Variants in DIMT1 observed in about 807,000 individuals in gnomAD.
DIMT1 encodes the protein dimethyladenosine transferase.
DIMT1 carries 36 observed loss-of-function variants against 43.2 expected under a neutral mutation model. The ratio of observed to expected loss-of-function variants is 0.83; its 90% CI spans 0.64 to 1.10. DIMT1 has a LOEUF of 1.10. DIMT1 is among the 50% of genes least tolerant of loss of function. The probability of loss-of-function intolerance (pLI) is 0.00; values close to 1 mark genes in which losing one functional copy is unlikely to be tolerated. For synonymous variants in DIMT1, 126 were observed against 130.3 expected, an observed-to-expected ratio of 0.97 and a Z score of 0.22; for missense variants, 341 against 385.3, an observed-to-expected ratio of 0.88 and a Z score of 0.96.
intron 3 of DIMT1, among the ~76,000 whole-genome samples, chr5:62,399,295 C>T (rs1027057819): frequency 6.6e-5 from 10 of 151,738 alleles, no homozygotes; most frequent in East Asian, 1.9e-4. Flanking sequence ...GGCGAAACCC[C>T]GTCTCTACTA....
Position 62,393,982 on chromosome 5 carries a change from C to G in DIMT1, c.636G>C (p.Lys212Asn), listed in dbSNP as rs778365795. 1 of 1,609,826 alleles carries G rather than the reference C, an allele frequency of 6.2e-7. No individual in the cohort carries two copies. The highest frequency in any genetic ancestry group is 1.3e-5 in the African/African-American group (1 of 74,640). The stretch of plus-strand genomic sequence containing the variant: ...GAAAATTGATGGGTGGTGGTGGATT[C>G]TTAGGTTCTATCCTTACAACACTGG... Reference protein sequence around the residue: ...VESSVVRIEPKNPPPPINFQE... With the variant: ...VESSVVRIEPNNPPPPINFQE... The change falls in exon 8 of 12, where the codon AAG (lysine) becomes AAC (asparagine). Residue 212 changes from lysine to asparagine, a missense_variant. Lys to Asn is a moderately conservative substitution (Grantham distance 94). Transcript: ENST00000199320.
chr5:62,394,413 T>C (rs1742409267), intron 7 of DIMT1, 71 bp downstream of exon 7: 2 of 1,520,110 alleles, frequency 1.3e-6, no homozygotes, highest in Admixed American at 1.7e-5. Context: ...AGTGAGCCAC[T>C]GCACTGCAGC....
In DIMT1 at chr5:62,398,507, A is replaced by C. The variant is rs373188637; in HGVS notation, c.446+4T>G. Reference sequence around the variant, plus strand: ...GGCAGTAACTCTAGTCTTTTGTCACAAACCTGAAAAAAGGTCGATGTAGCA... The same window carrying C: ...GGCAGTAACTCTAGTCTTTTGTCACCAACCTGAAAAAAGGTCGATGTAGCA... On this transcript the variant is annotated splice_donor_region_variant and intron_variant, in intron 6 of 11. Coordinates refer to ENST00000199320, the MANE Select transcript of DIMT1 (RefSeq NM_014473.4). 7.3e-5 allele frequency: 117 copies of C among 1,611,690 alleles called. No individual in the cohort carries two copies. The highest frequency in any genetic ancestry group is 9.2e-5 in the Non-Finnish European group (108 of 1,177,974).
chr5:62,403,280 A>G lies in DIMT1; in HGVS notation c.146T>C (p.Ile49Thr). 6.2e-7 allele frequency: 1 copy of G among 1,613,716 alleles called. No individual in the cohort carries two copies. Among genetic ancestry groups the G allele is most frequent in the Non-Finnish European group, 8.5e-7 (1 of 1,179,646 alleles). Residue 49 changes from isoleucine to threonine, a missense_variant, in exon 2 of 12, where the codon ATC becomes ACC. Transcript: ENST00000199320. ...LKNPLIINSI[I>T]DKAALRPTDV... is the part of the protein sequence containing the mutation. ...TTCCTCTTCCACACCCACCTTATCGATAATGCTGTTAATAATGAGAGGATT... is the reference window on the plus strand; with the variant it reads ...TTCCTCTTCCACACCCACCTTATCGGTAATGCTGTTAATAATGAGAGGATT...
chr5:62,394,848 G>A (rs1481794222), intron 6 of DIMT1, among the ~76,000 whole-genome samples: 1 of 152,074 alleles, frequency 6.6e-6, no homozygotes, highest in Admixed American at 6.6e-5. Flanking sequence ...GACTGGATGA[G>A]ATGTTTCAAA....
intron 10 of DIMT1, chr5:62,391,698 T>G: frequency 7.8e-7 from 1 of 1,285,174 alleles, no homozygotes. Flanking sequence ...ATGATACGCA[T>G]GAGGCTCACA....
In DIMT1 at chr5:62,398,560, T is replaced by G. The variant is rs1273167687; in HGVS notation, c.397A>C (p.Ile133Leu). ...DTCVANLPYQISSPFVFKLLL... is the reference protein window; with the variant it reads ...DTCVANLPYQLSSPFVFKLLL... The stretch of plus-strand genomic sequence containing the variant: ...AGCTTGAAGACAAAAGGTGAAGAGA[T>G]CTGTAAGAGAATTAACTAGTTATTT... The change falls in exon 6 of 12, where the codon ATC becomes CTC. Residue 133 changes from isoleucine to leucine, a missense_variant and splice_region_variant. Coordinates refer to ENST00000199320, the MANE Select transcript of DIMT1 (RefSeq NM_014473.4). 23 of 1,612,562 alleles carry G rather than the reference T, an allele frequency of 1.4e-5. No homozygotes were observed. Among genetic ancestry groups the G allele is most frequent in the Non-Finnish European group, 2.0e-5 (23 of 1,178,762 alleles).
At position 62,389,044 on chromosome 5, in the gene DIMT1, T is replaced by C. The variant is rs201483521; in HGVS notation, c.908A>G (p.His303Arg). The change falls in exon 12 of 12, where the codon CAT (histidine) becomes CGT (arginine). Residue 303 changes from histidine (H) to arginine (R), a missense_variant. Coordinates refer to ENST00000199320, the MANE Select transcript of DIMT1 (RefSeq NM_014473.4). ...ATGAATACCTTCTGCGTTGAATCCATGTAGCAATCTGAAAAAAGAAATCAA... is the reference window on the plus strand; with the variant it reads ...ATGAATACCTTCTGCGTTGAATCCACGTAGCAATCTGAAAAAAGAAATCAA... ...MDIDDFIRLL[H>R]GFNAEGIHFS The C allele has an allele frequency of 1.2e-6, 2 of 1,604,608 alleles. No individual in the cohort carries two copies. The highest frequency in any genetic ancestry group is 2.2e-5 in the East Asian group (1 of 44,632).
intron 6 of DIMT1, among the ~76,000 whole-genome samples, chr5:62,395,756 CA>C (rs1742464668): frequency 1.3e-5 from 2 of 152,134 alleles, no homozygotes; most frequent in African/African-American, 4.8e-5. Flanking sequence ...TAATCCACAG[CA>C]CTTTAGGAGG....
intron 6 of DIMT1, among the ~76,000 whole-genome samples, chr5:62,396,174 G>T (rs1393897245): frequency 8.3e-5 from 6 of 72,326 alleles, no homozygotes; most frequent in African/African-American, 3.8e-4. Context: ...GAAGAAAAAA[G>T]AGTGCCCTTT....
chr5:62,393,803 C>T, intron 8 of DIMT1, 152 bp downstream of exon 8: 3 of 544,330 alleles, frequency 5.5e-6, no homozygotes, highest in Non-Finnish European at 9.0e-6. Context: ...TCAAATTATT[C>T]CATCTACTTC....
At chr5:62,393,501 T>C (rs1742375512) in intron 8 of DIMT1, among the ~76,000 whole-genome samples, 1 of 152,242 alleles carries the variant, frequency 6.6e-6, no homozygotes, top group African/African-American at 2.4e-5. Context: ...CTTCAGATAC[T>C]TCCTGTGTAA....
chr5:62,394,975 CAG>C (rs1742429270), intron 6 of DIMT1, among the ~76,000 whole-genome samples: 1 of 151,124 alleles, frequency 6.6e-6, no homozygotes, highest in Admixed American at 6.6e-5. Flanking sequence ...ACTGAAGAGG[CAG>C]ATTGTGACGT....
Position 62,388,177 on chromosome 5 carries a change from A to T in DIMT1, c.*833T>A, listed in dbSNP as rs1337167080. On this transcript the variant is annotated 3_prime_UTR_variant, in exon 12 of 12. Transcript: ENST00000199320. The stretch of plus-strand genomic sequence containing the variant: ...TGGAAATTTTAATTGTCCAGAAATC[A>T]TAGGAATACTGGGAACCTGTAGTTA... 6.6e-6 allele frequency: 1 copy of T among 152,180 alleles called. No individual in the cohort carries two copies. The highest frequency in any genetic ancestry group is 6.5e-5 in the Admixed American group (1 of 15,276). The allele number at this position is 152,180 out of a possible 1,614,324, so 9.4% of individuals were successfully genotyped here.
At position 62,402,150 on chromosome 5, in the gene DIMT1, C is replaced by G. The variant is rs1321143966; in HGVS notation, c.154-28G>C. 3 of 1,608,636 alleles carry G rather than the reference C, an allele frequency of 1.9e-6. No homozygotes were observed. The East Asian group carries it at 6.7e-5, about 36-fold the overall frequency. On this transcript the variant is annotated intron_variant, in intron 2 of 11. Transcript: ENST00000199320. ...AAAAGCAAGCACAAACACTTTAGCT[C>G]TTCTGGCAACATCAGAACACAGAAG... is the stretch of plus-strand genomic sequence containing the variant.
At chr5:62,394,742 C>T (rs1052466947) in intron 6 of DIMT1, 135 bp from the exon 7 acceptor site, 6 of 1,279,660 alleles carry the variant, frequency 4.7e-6, no homozygotes, top group Non-Finnish European at 4.3e-6. Context: ...ACACATTCAG[C>T]CTTTTTTTTA....
intron 3 of DIMT1, among the ~76,000 whole-genome samples, 176 bp downstream of exon 3, chr5:62,401,860 C>T (rs367821381): frequency 3.4e-4 from 52 of 152,140 alleles, no homozygotes; most frequent in East Asian, 1.2e-3. Context: ...GGATTACAGG[C>T]GTGAGCCACC....
At chr5:62,391,253 C>T in intron 10 of DIMT1, 1 of 323,696 alleles carries the variant, frequency 3.1e-6, no homozygotes, top group Non-Finnish European at 5.6e-6. Context: ...TAGTTTCAGA[C>T]TTCACAAATA....
At chr5:62,397,756 C>T (rs1440420408) in intron 6 of DIMT1, among the ~76,000 whole-genome samples, 1 of 151,976 alleles carries the variant, frequency 6.6e-6, no homozygotes, top group Non-Finnish European at 1.5e-5. Context: ...TCACGCCATT[C>T]TCCTGCCTCA....
Sources: gnomAD v4.1 joint callset for allele counts (sites outside exome capture counted in the v4.1 genomes callset) on GRCh38, gnomAD v4.1.1 for gene constraint, MANE v1.5 for transcripts, NCBI Gene and HGNC (gene_info 2026-07-23, HGNC 2026-07-21) for gene names.